HK2: variants seen among roughly 807,000 people sequenced by gnomAD.
HK2 encodes hexokinase-2.
A neutral mutation model predicts 92.9 loss-of-function variants in HK2; 42 were observed. The ratio of observed to expected loss-of-function variants is 0.45; its 90% CI spans 0.35 to 0.58. HK2 has a LOEUF of 0.58. Among genes scored for constraint, HK2 ranks in the 20% least tolerant of loss-of-function variants. The probability of loss-of-function intolerance (pLI) is 0.00; values close to 1 mark genes in which losing one functional copy is unlikely to be tolerated. For missense variants in HK2, 978 were observed against 1,245.1 expected (o/e 0.79, Z 3.23); for synonymous variants, 422 against 468.0 (o/e 0.90, Z 1.27).
At chr2:74,839,334 G>A (rs1029501013) in intron 1 of HK2, among the ~76,000 whole-genome samples, 16 of 152,190 alleles carry the variant, frequency 1.1e-4, no homozygotes, top group Admixed American at 7.2e-4. Flanking sequence ...CGTGCCATTA[G>A]TCCGCACGTA....
intron 2 of HK2, among the ~76,000 whole-genome samples, chr2:74,859,588 G>A (rs1688771167): frequency 6.6e-6 from 1 of 152,074 alleles, no homozygotes; most frequent in Admixed American, 6.5e-5. Context: ...GTGTGAACCC[G>A]GGAGGCAGAG....
chr2:74,856,817 C>T (rs973506242), intron 2 of HK2, among the ~76,000 whole-genome samples: 2 of 152,164 alleles, frequency 1.3e-5, no homozygotes, highest in Non-Finnish European at 2.9e-5. Flanking sequence ...CGGTACTGCA[C>T]GTGATGTGTT....
intron 4 of HK2, 23 bp from the exon 5 acceptor site, chr2:74,873,253 T>A: frequency 6.4e-7 from 1 of 1,564,556 alleles, no homozygotes. Context: ...GAAATCAATA[T>A]TCACTTCTTG....
At chr2:74,878,523 T>A (rs1349835812) in intron 8 of HK2, among the ~76,000 whole-genome samples, 165 bp from the exon 9 acceptor site, 1 of 151,934 alleles carries the variant, frequency 6.6e-6, no homozygotes, top group Non-Finnish European at 1.5e-5. Context: ...ACCCCCTTCC[T>A]CCTCCTCCTG....
Position 74,888,001 on chromosome 2 carries a change from C to G in HK2, c.2318C>G (p.Ser773Ter). 1 of 1,614,202 alleles carries G rather than the reference C, an allele frequency of 6.2e-7. No homozygotes were observed. The highest frequency in any genetic ancestry group is 8.5e-7 in the Non-Finnish European group (1 of 1,180,002). ...KRGLLFRGRI[S>*]ERLKTRGIFE... ...GGACTACTCTTCCGAGGCCGCATCT[C>G]AGAGCGGCTCAAGACAAGGGGCATC... The change falls in exon 16 of 18, where the codon TCA (serine) becomes TGA (stop). Residue 773 changes from serine (S) to a stop codon, truncating the protein, a stop_gained. Transcript: ENST00000290573. LOFTEE classifies it high-confidence loss of function.
At chr2:74,860,687 C>T (rs142815455) in intron 2 of HK2, among the ~76,000 whole-genome samples, 1 of 152,258 alleles carries the variant, frequency 6.6e-6, no homozygotes, top group East Asian at 1.9e-4. Context: ...TTGAGTAAAG[C>T]TGCTATGAAC....
chr2:74,887,028 G>A (rs755174404), intron 15 of HK2, among the ~76,000 whole-genome samples: 11 of 152,192 alleles, frequency 7.2e-5, no homozygotes, highest in Non-Finnish European at 1.3e-4. Flanking sequence ...ATCTTCCAGC[G>A]CCGAGCACCA....
intron 2 of HK2, 33 bp downstream of exon 2, chr2:74,854,488 C>T (rs745698718): frequency 1.4e-5 from 23 of 1,612,124 alleles, no homozygotes; most frequent in Admixed American, 6.7e-5. Context: ...CTAGCTGCTG[C>T]GTTACTCAGG....
chr2:74,844,640 T>C (rs1011260419), intron 1 of HK2, among the ~76,000 whole-genome samples: 2 of 152,194 alleles, frequency 1.3e-5, no homozygotes, highest in African/African-American at 4.8e-5. Flanking sequence ...CAGATGCCAC[T>C]GTGGGGCAAG....
At position 74,886,528 on chromosome 2, in the gene HK2, A is replaced by C. The variant is rs1487764841; in HGVS notation, c.2074A>C (p.Asn692His). 13 of 1,613,890 alleles carry C rather than the reference A, an allele frequency of 8.1e-6. No individual in the cohort carries two copies. Among genetic ancestry groups the C allele is most frequent in the Non-Finnish European group, 1.1e-5 (13 of 1,179,970 alleles). The change falls in exon 15 of 18, where the codon AAC (asparagine) becomes CAC (histidine). Residue 692 changes from asparagine to histidine, a missense_variant. Transcript: ENST00000290573. The stretch of plus-strand genomic sequence containing the variant: ...TGCCTGCTACATGGAGGAGATGCGC[A>C]ACGTGGAACTGGTGGAAGGAGAAGA... ...SNACYMEEMR[N>H]VELVEGEEGR...
chr2:74,847,959 A>G (rs1457282124), intron 1 of HK2, among the ~76,000 whole-genome samples: 1 of 152,230 alleles, frequency 6.6e-6, no homozygotes, highest in Non-Finnish European at 1.5e-5. Context: ...CTTGATTAAA[A>G]GTGATAGAAC....
chr2:74,862,435 G>A (rs1048098349), intron 2 of HK2, among the ~76,000 whole-genome samples: 5 of 152,228 alleles, frequency 3.3e-5, no homozygotes, highest in Non-Finnish European at 7.3e-5. Context: ...GCTGCCTCGT[G>A]CCCTTTAAAG....
chr2:74,849,559 C>A (rs975887336), intron 1 of HK2, among the ~76,000 whole-genome samples: 12 of 152,184 alleles, frequency 7.9e-5, no homozygotes, highest in African/African-American at 2.9e-4. Flanking sequence ...AGAGAAGCAG[C>A]CTTGTCCATG....
intron 1 of HK2, among the ~76,000 whole-genome samples, chr2:74,835,633 G>C (rs1688145989): frequency 6.6e-6 from 1 of 152,188 alleles, no homozygotes; most frequent in Non-Finnish European, 1.5e-5. Flanking sequence ...GGCCGGGGAC[G>C]GGCAGGGCCA....
intron 17 of HK2, 92 bp from the exon 18 acceptor site, chr2:74,890,704 CA>C: frequency 7.4e-7 from 1 of 1,351,146 alleles, no homozygotes; most frequent in Non-Finnish European, 1.1e-6. Context: ...TCTGTGTTTC[CA>C]GCATCGCTTC....
intron 2 of HK2, among the ~76,000 whole-genome samples, chr2:74,865,059 G>A (rs577661122): frequency 1.3e-5 from 2 of 151,654 alleles, no homozygotes; most frequent in East Asian, 3.9e-4. Flanking sequence ...TGGGCGTTAC[G>A]AGAGGGCCCG....
chr2:74,873,812 G>A (rs577633665), intron 5 of HK2, 32 bp from the exon 6 acceptor site: 1 of 1,506,760 alleles, frequency 6.6e-7, no homozygotes, highest in Admixed American at 1.7e-5. Context: ...CTGTGATGAT[G>A]AAGGTCAGAG....
chr2:74,873,746 A>AGAGAAGGAGGAGG (rs1689156278), intron 5 of HK2, 98 bp from the exon 6 acceptor site: 1 of 718,198 alleles, frequency 1.4e-6, no homozygotes, highest in African/African-American at 1.9e-5. Flanking sequence ...AGAGAGAGAG[A>AGAGAAGGAGGAGG]AGGAGGAGGA....
chr2:74,854,796 G>T (rs551775683), intron 2 of HK2, among the ~76,000 whole-genome samples: 1 of 152,160 alleles, frequency 6.6e-6, no homozygotes, highest in African/African-American at 2.4e-5. Flanking sequence ...TACAACAAAC[G>T]TACCTCACGT....
Sources: gnomAD v4.1 joint callset for allele counts (sites outside exome capture counted in the v4.1 genomes callset) on GRCh38, gnomAD v4.1.1 for gene constraint, MANE v1.5 for transcripts, NCBI Gene and HGNC (gene_info 2026-07-23, HGNC 2026-07-21) for gene names.